SLC36A1: variants seen among roughly 807,000 people sequenced by gnomAD.
SLC36A1 encodes the protein solute carrier family 36 member 1.
Under a neutral mutation model 47.5 loss-of-function variants are expected in SLC36A1, and 30 were observed. The observed-to-expected ratio is 0.63, with a 90% CI of 0.47 to 0.86. The LOEUF (loss-of-function observed/expected upper bound fraction) is 0.86. Ranked by LOEUF, SLC36A1 falls within the 40% of genes least tolerant of loss-of-function variation. The pLI, the probability that SLC36A1 is intolerant of heterozygous loss-of-function variation, is 0.00. For missense variants in SLC36A1, 517 were observed against 606.0 expected (o/e 0.85, Z 1.54); for synonymous variants, 255 against 249.7 (o/e 1.02, Z -0.20).
At chr5:151,362,154 CT>C in the SLC36A1 span, among the ~76,000 whole-genome samples, 1 of 152,050 alleles carries the variant, frequency 6.6e-6, no homozygotes, top group Non-Finnish European at 1.5e-5. Flanking sequence ...AATAAGCTTT[CT>C]ACCCCTTGCT....
At chr5:151,375,549 G>T in the SLC36A1 span, among the ~76,000 whole-genome samples, 2 of 151,874 alleles carry the variant, frequency 1.3e-5, no homozygotes, top group Non-Finnish European at 2.9e-5. Context: ...TGGGCTTTTG[G>T]GGGAGGGGTT....
chr5:151,414,298 T>TGAGAGACAAGA, the SLC36A1 span, among the ~76,000 whole-genome samples: 6,976 of 151,830 alleles, frequency 0.046, 509 homozygotes, highest in African/African-American at 0.16. Context: ...ATGTTACCTA[T>TGAGAGACAAGA]AGGAAAAACA....
At chr5:151,506,495 A>G in the SLC36A1 span, among the ~76,000 whole-genome samples, 1 of 152,224 alleles carries the variant, frequency 6.6e-6, no homozygotes, top group African/African-American at 2.4e-5. Context: ...GATGGAGTCT[A>G]TCATGGAGAG....
At chr5:151,505,515 G>A in the SLC36A1 span, 2 of 1,606,976 alleles carry the variant, frequency 1.2e-6, no homozygotes, top group Non-Finnish European at 8.5e-7. Context: ...GAAGAAATAA[G>A]CCAAGTCCAG....
At chr5:151,464,754 T>A in intron 4 of SLC36A1, 152 bp downstream of exon 4, 1 of 714,536 alleles carries the variant, frequency 1.4e-6, no homozygotes, top group Non-Finnish European at 2.4e-6. Flanking sequence ...CTTTCCCTGG[T>A]TATTTTTGCG....
At chr5:151,527,469 A>C in the SLC36A1 span, 1 of 1,322,390 alleles carries the variant, frequency 7.6e-7, no homozygotes, top group Non-Finnish European at 1.0e-6. Context: ...AAAAAAAATA[A>C]GAAGGAGACA....
chr5:151,537,345 A>AG, the SLC36A1 span, among the ~76,000 whole-genome samples: 25 of 88,460 alleles, frequency 2.8e-4, no homozygotes, highest in East Asian at 2.3e-3. Context: ...AAAGAAAAGA[A>AG]AAGAAAAAAG....
the SLC36A1 span, among the ~76,000 whole-genome samples, chr5:151,426,618 C>T: frequency 1.3e-5 from 2 of 152,096 alleles, no homozygotes; most frequent in African/African-American, 4.8e-5. Flanking sequence ...TGTTAAACAC[C>T]GAGACATTCC....
At chr5:151,383,821 C>T in the SLC36A1 span, among the ~76,000 whole-genome samples, 1 of 152,144 alleles carries the variant, frequency 6.6e-6, no homozygotes, top group African/African-American at 2.4e-5. Context: ...GATCTGCCCG[C>T]CTCGGCCTCC....
the SLC36A1 span, among the ~76,000 whole-genome samples, chr5:151,498,310 A>G: frequency 4.9e-3 from 740 of 152,294 alleles, 4 homozygotes; most frequent in African/African-American, 0.017. Flanking sequence ...TATGGATACT[A>G]CACAATGAGC....
At chr5:151,417,421 A>G in the SLC36A1 span, among the ~76,000 whole-genome samples, 1 of 152,338 alleles carries the variant, frequency 6.6e-6, no homozygotes, top group African/African-American at 2.4e-5. Context: ...CTGAGACTGC[A>G]CAAAGCACCA....
the SLC36A1 span, among the ~76,000 whole-genome samples, chr5:151,388,467 T>C: frequency 0.48 from 70,123 of 145,044 alleles, 18,832 homozygotes; most frequent in African/African-American, 0.74. Context: ...CAACATTGCA[T>C]TCCAGCCTGG....
chr5:151,515,241 T>A, the SLC36A1 span, among the ~76,000 whole-genome samples: 1 of 152,206 alleles, frequency 6.6e-6, no homozygotes, highest in Admixed American at 6.5e-5. Flanking sequence ...TGGGTTTTCC[T>A]CCAGCATCAC....
At chr5:151,513,640 G>T in the SLC36A1 span, among the ~76,000 whole-genome samples, 1 of 152,066 alleles carries the variant, frequency 6.6e-6, no homozygotes, top group Non-Finnish European at 1.5e-5. Flanking sequence ...TACCTATCAG[G>T]AACTATGCTT....
intron 10 of SLC36A1, among the ~76,000 whole-genome samples, chr5:151,485,936 C>T (rs1759456541): frequency 6.6e-6 from 1 of 152,118 alleles, no homozygotes; most frequent in South Asian, 2.1e-4. Flanking sequence ...TGTAAATAGC[C>T]GTCCGTGGCT....
At chr5:151,544,803 T>C in the SLC36A1 span, 2 of 1,614,088 alleles carry the variant, frequency 1.2e-6, no homozygotes, top group Non-Finnish European at 1.7e-6. Context: ...CTTCTGCAAA[T>C]TCATATGTAA....
At chr5:151,393,214 A>G in the SLC36A1 span, among the ~76,000 whole-genome samples, 1 of 151,972 alleles carries the variant, frequency 6.6e-6, no homozygotes, top group Non-Finnish European at 1.5e-5. Flanking sequence ...ATCAGAGACT[A>G]GGATTGCAAC....
At chr5:151,553,330 CAA>C in the SLC36A1 span, 1 of 1,614,258 alleles carries the variant, frequency 6.2e-7, no homozygotes, top group Non-Finnish European at 8.5e-7. Context: ...GGGATCCACT[CAA>C]TGTGTAGCCG....
the SLC36A1 span, chr5:151,505,267 C>T: frequency 2.2e-6 from 1 of 451,162 alleles, no homozygotes; most frequent in Non-Finnish European, 3.9e-6. Context: ...GATCAGGGAG[C>T]CCTCCTGTCT....
Sources: gnomAD v4.1 joint callset for allele counts (sites outside exome capture counted in the v4.1 genomes callset) on GRCh38, gnomAD v4.1.1 for gene constraint, MANE v1.5 for transcripts, NCBI Gene and HGNC (gene_info 2026-07-23, HGNC 2026-07-21) for gene names.